The following KCNIP2 variants were observed in gnomAD, a reference collection of about 807,000 sequenced individuals.
KCNIP2 encodes potassium voltage-gated channel interacting protein 2, also known as A-type potassium channel modulatory protein KCNIP2.
In KCNIP2, 19 loss-of-function variants were observed where a neutral mutation model predicts 39.0. The observed-to-expected ratio is 0.49, with a 90% CI of 0.34 to 0.71. KCNIP2 has a LOEUF of 0.71. KCNIP2 is among the 30% of genes least tolerant of loss of function. KCNIP2 has a pLI of 0.01. For synonymous variants in KCNIP2, 111 were observed against 131.2 expected (o/e 0.85, Z 1.05); for missense variants, 261 against 346.0 (o/e 0.75, Z 1.95).
At chr10:101,827,663 G>A (rs1346668117) in intron 9 of KCNIP2, 26 bp downstream of exon 9, 1 of 1,613,178 alleles carries the variant, frequency 6.2e-7, no homozygotes, top group Non-Finnish European at 8.5e-7. Flanking sequence ...CCAGGTCAGG[G>A]TAATGTAGAG....
intron 9 of KCNIP2, 89 bp downstream of exon 9, chr10:101,827,600 G>T: frequency 7.0e-7 from 1 of 1,431,604 alleles, no homozygotes; most frequent in South Asian, 1.1e-5. Flanking sequence ...AGGTGGGAAG[G>T]TGGTATTCTT....
chr10:101,831,078 T>C lies in KCNIP2; in HGVS notation c.163A>G (p.Ser55Gly). 1.2e-6 allele frequency: 2 copies of C among 1,613,634 alleles called. No individual in the cohort carries two copies. Among genetic ancestry groups the C allele is most frequent in the Non-Finnish European group, 1.7e-6 (2 of 1,179,902 alleles). ...CCGPQALPSV[S>G]ETLAAPASLR... ...GCACATGAGAGGCACTTGCTTTCAC[T>C]GACTGAGGGCAGGGCTTGGGGCCCG... is the stretch of plus-strand genomic sequence containing the variant. Residue 55 changes from serine to glycine, a missense_variant, in exon 2 of 10, where the codon AGT becomes GGT. Transcript: ENST00000356640.
At position 101,829,113 on chromosome 10, in the gene KCNIP2, G is replaced by A. The variant is rs72546683; in HGVS notation, c.310C>T (p.Arg104Cys). 1,700 of 1,614,164 alleles carry A rather than the reference G, an allele frequency of 1.1e-3. 2 individuals carry two copies. The highest frequency in any genetic ancestry group is 1.4e-3 in the Non-Finnish European group (1,602 of 1,180,014). Residue 104 changes from arginine (R) to cysteine (C), a missense_variant, in exon 4 of 10, where the codon CGC (arginine) becomes TGC (cysteine). Coordinates refer to ENST00000356640, the MANE Select transcript of KCNIP2 (RefSeq NM_173191.3). ...EQLQEQTKFT[R>C]KELQVLYRGF... Reference sequence around the variant, plus strand: ...CGGTACAGGACCTGCAACTCCTTGCGCGTGAATTTGGTTTGCTCCTGCAGC... The same window carrying A: ...CGGTACAGGACCTGCAACTCCTTGCACGTGAATTTGGTTTGCTCCTGCAGC...
chr10:101,831,041 C>A, intron 2 of KCNIP2, 31 bp downstream of exon 2: 1 of 1,589,848 alleles, frequency 6.3e-7, no homozygotes. Context: ...ACATCGAGCC[C>A]CGCCCCCGGA....
At position 101,828,938 on chromosome 10, in the gene KCNIP2, C is replaced by G; in HGVS notation, c.348+137G>C. On this transcript the variant is annotated intron_variant, in intron 4 of 9. Coordinates refer to ENST00000356640, the MANE Select transcript of KCNIP2 (RefSeq NM_173191.3). This position sits in a 1 kb window ranked among gnomAD's most constrained non-coding sequence, Gnocchi z 6.6. ...TCTGGCCCCGCCCCAGAACCTCCAG[C>G]TAGAAGTTCAGTCTCAGGGCCTTGC... 1 of 1,507,848 alleles carries G rather than the reference C, an allele frequency of 6.6e-7. No individual in the cohort carries two copies. Among genetic ancestry groups the G allele is most frequent in the Admixed American group, 2.1e-5 (1 of 48,538 alleles). 93.4% of individuals were successfully genotyped at this position (1,507,848 alleles called of 1,614,324 possible).
rs772634336 is a variant in KCNIP2 at position 101,839,884 on chromosome 10, C to T, written c.73+3612G>A. ...GCGTCTAAGCTCCACCCCCAGGCCCCGGGGCGGTCCGGTCTCCGCCCTCAC... is the reference window on the plus strand; with the variant it reads ...GCGTCTAAGCTCCACCCCCAGGCCCTGGGGCGGTCCGGTCTCCGCCCTCAC... On this transcript the variant is annotated intron_variant, in intron 1 of 9. Coordinates refer to ENST00000356640, the MANE Select transcript of KCNIP2 (RefSeq NM_173191.3). The T allele has an allele frequency of 1.0e-5, 16 of 1,533,338 alleles. 1 individual carries two copies. The South Asian group carries it at 1.9e-4, about 18-fold the overall frequency. The allele number at this position is 1,533,338 out of a possible 1,614,324, so 95.0% of individuals were successfully genotyped here. A position where few individuals can be genotyped will look rare whatever the true frequency, so the allele number is the denominator to read the frequency against.
Position 101,827,727 on chromosome 10 carries a change from C to T in KCNIP2, c.727G>A (p.Val243Met), listed in dbSNP as rs1448996748. The T allele has an allele frequency of 1.2e-6, 2 of 1,613,694 alleles. No homozygotes were observed. The highest frequency in any genetic ancestry group is 2.7e-5 in the African/African-American group (2 of 74,902). Residue 243 changes from valine to methionine, a missense_variant, in exon 9 of 10, where the codon GTG becomes ATG. Coordinates refer to ENST00000356640, the MANE Select transcript of KCNIP2 (RefSeq NM_173191.3). Reference sequence around the variant, plus strand: ...TCAATGAATTCCTCAATGGTCACCACACCATCCTTGTTTCTGTCCATCTTC... The same window carrying T: ...TCAATGAATTCCTCAATGGTCACCATACCATCCTTGTTTCTGTCCATCTTC... ...FQKMDRNKDGVVTIEEFIESC... is the reference protein window; with the variant it reads ...FQKMDRNKDGMVTIEEFIESC...
chr10:101,832,684 C>T (rs763009196), intron 1 of KCNIP2, among the ~76,000 whole-genome samples: 7 of 152,184 alleles, frequency 4.6e-5, no homozygotes, highest in Admixed American at 6.5e-5. Context: ...TTAGCCTGGA[C>T]TCTAGTTTCC....
rs750388521 is a variant in KCNIP2 at position 101,828,837 on chromosome 10, G to T, written c.349-141C>A. ...GACTCACCACGTGGCTCATGTGATG[G>T]GAGGGAAGACTTCTTTCCCAGTGCA... On this transcript the variant is annotated intron_variant, in intron 4 of 9. Coordinates refer to ENST00000356640, the MANE Select transcript of KCNIP2 (RefSeq NM_173191.3). The surrounding 1 kb of genome is among the most constrained non-coding windows in gnomAD (Gnocchi z 6.6). 3 of 1,570,960 alleles carry T rather than the reference G, an allele frequency of 1.9e-6. No individual in the cohort carries two copies. In the South Asian group the frequency reaches 3.5e-5, roughly 18 times the overall value.
intron 1 of KCNIP2, chr10:101,839,732 C>G (rs761210770): frequency 5.3e-5 from 86 of 1,608,852 alleles, no homozygotes; most frequent in Non-Finnish European, 7.1e-5. Flanking sequence ...TCCTGCCCCT[C>G]CCTTCCCTTC....
intron 2 of KCNIP2, chr10:101,830,278 A>G: frequency 1.4e-6 from 1 of 710,682 alleles, no homozygotes; most frequent in South Asian, 2.1e-5. Flanking sequence ...AGGCTGGCAC[A>G]GAAAACCCAA....
Position 101,826,228 on chromosome 10 carries a change from C to T in KCNIP2, c.*1125G>A, listed in dbSNP as rs2065745972. The T allele has an allele frequency of 6.6e-6, 1 of 152,482 alleles. No homozygotes were observed. The highest frequency in any genetic ancestry group is 1.5e-5 in the Non-Finnish European group (1 of 68,044). 9.4% of individuals were successfully genotyped at this position (152,482 alleles called of 1,614,324 possible). On this transcript the variant is annotated 3_prime_UTR_variant, in exon 10 of 10. Transcript: ENST00000356640. Reference sequence around the variant, plus strand: ...CTATGGTCCCTGCCCTCTAGGTGTGCTAAGGGGCATCTCTGGGTAGATTGA... The same window carrying T: ...CTATGGTCCCTGCCCTCTAGGTGTGTTAAGGGGCATCTCTGGGTAGATTGA...
At chr10:101,829,432 G>C (rs952557121) in intron 3 of KCNIP2, 14 of 530,108 alleles carry the variant, frequency 2.6e-5, no homozygotes, top group Non-Finnish European at 4.5e-5. Context: ...CCAGGGATCC[G>C]ACTCAGTGCT....
intron 1 of KCNIP2, among the ~76,000 whole-genome samples, chr10:101,836,165 G>A (rs528748917): frequency 3.3e-5 from 5 of 152,244 alleles, no homozygotes; most frequent in African/African-American, 7.2e-5. Context: ...AGCCACCACC[G>A]GGGGGCACGC....
intron 1 of KCNIP2, among the ~76,000 whole-genome samples, chr10:101,837,424 A>G (rs553881179): frequency 4.7e-4 from 72 of 152,274 alleles, no homozygotes; most frequent in African/African-American, 1.6e-3. Flanking sequence ...TAATCCCAGC[A>G]CTTTGGGAGG....
At chr10:101,839,829 G>A (rs2066269761) in intron 1 of KCNIP2, 5 of 1,609,154 alleles carry the variant, frequency 3.1e-6, no homozygotes, top group Non-Finnish European at 4.2e-6. Context: ...ACCTGCGGGG[G>A]CATCGGTTCA....
Position 101,828,202 on chromosome 10 carries a change from A to G in KCNIP2, c.546T>C (p.Asn182=), listed in dbSNP as rs773357247. 5.0e-6 allele frequency: 8 copies of G among 1,613,974 alleles called. No individual in the cohort carries two copies. In the Admixed American group the frequency reaches 6.7e-5, roughly 13 times the overall value. Residue 182 remains asparagine (N), a synonymous_variant, in exon 7 of 10, where the codon AAT becomes AAC. Transcript: ENST00000356640. This position sits in a 1 kb window ranked among gnomAD's most constrained non-coding sequence, Gnocchi z 6.6. ...ILRGTVDDRL[N]WAFNLYDLNK... is the part of the protein sequence containing the mutation. ...TAAGGTCATACAGGTTGAAGGCCCA[A>G]TTAAGCCTGTCATCTACAGTTCCCC...
intron 1 of KCNIP2, chr10:101,839,729 C>T: frequency 6.2e-7 from 1 of 1,607,494 alleles, no homozygotes; most frequent in East Asian, 2.2e-5. Flanking sequence ...GGATCCTGCC[C>T]CTCCCTTCCC....
rs199767134 is a variant in KCNIP2, at chr10:101,829,984, C to G, written c.170-87G>C. 37 of 1,472,644 alleles carry G rather than the reference C, an allele frequency of 2.5e-5. No homozygotes were observed. The Admixed American group carries it at 7.7e-4, about 31-fold the overall frequency. The allele number at this position is 1,472,644 out of a possible 1,614,324, so 91.2% of individuals were successfully genotyped here. On this transcript the variant is annotated intron_variant, in intron 2 of 9. Transcript: ENST00000356640. Reference sequence around the variant, plus strand: ...GGCCCCTCACACTCAGAGCAAACCTCACAACCCAGCCCGTGCAAAGGCACA... The same window carrying G: ...GGCCCCTCACACTCAGAGCAAACCTGACAACCCAGCCCGTGCAAAGGCACA...
Sources: allele counts gnomAD v4.1 joint callset (sites outside exome capture counted in the v4.1 genomes callset), GRCh38; gene constraint gnomAD v4.1.1; non-coding constraint Gnocchi (gnomAD v3.1); transcripts MANE v1.5; gene names NCBI Gene and HGNC (gene_info 2026-07-23, HGNC 2026-07-21).